The following GRIP1 variants were observed in gnomAD, a reference collection of about 807,000 sequenced individuals.
GRIP1 encodes the protein glutamate receptor-interacting protein 1.
GRIP1 carries 45 observed loss-of-function variants against 129.9 expected under a neutral mutation model. The observed-to-expected ratio is 0.35, with a 90% CI of 0.27 to 0.44. The LOEUF (loss-of-function observed/expected upper bound fraction) is 0.44, where lower values mean the gene tolerates loss of function less well. Ranked by LOEUF, GRIP1 falls within the 20% of genes least tolerant of loss-of-function variation. The pLI, the probability that GRIP1 is intolerant of heterozygous loss-of-function variation, is 1.00. For missense variants in GRIP1, 1,196 were observed against 1,396.8 expected (o/e 0.86, Z 2.29); for synonymous variants, 530 against 520.8 (o/e 1.02, Z -0.24).
intron 1 of GRIP1, among the ~76,000 whole-genome samples, chr12:66,937,592 A>G (rs901372390): frequency 6.6e-6 from 1 of 152,196 alleles, no homozygotes; most frequent in Non-Finnish European, 1.5e-5. Flanking sequence ...AATTGGAGAA[A>G]GGGTGTGAGA....
At chr12:66,434,659 A>G (rs1018035130) in intron 13 of GRIP1, among the ~76,000 whole-genome samples, 5 of 152,218 alleles carry the variant, frequency 3.3e-5, no homozygotes, top group African/African-American at 1.2e-4. Flanking sequence ...ATATTTTCCA[A>G]TCTATGCCTT....
intron 1 of GRIP1, among the ~76,000 whole-genome samples, chr12:66,655,896 G>T (rs2033126999): frequency 6.6e-6 from 1 of 152,022 alleles, no homozygotes; most frequent in South Asian, 2.1e-4. Context: ...ACCGCACCTG[G>T]CCTTCTGTAC....
At chr12:66,752,445 C>T (rs2037157771) in intron 1 of GRIP1, among the ~76,000 whole-genome samples, 1 of 152,038 alleles carries the variant, frequency 6.6e-6, no homozygotes, top group Admixed American at 6.6e-5. Flanking sequence ...GAATAGAGTA[C>T]TCCTCAAAAT....
chr12:66,539,832 C>G (rs534006556), intron 3 of GRIP1, among the ~76,000 whole-genome samples: 6 of 152,226 alleles, frequency 3.9e-5, no homozygotes, highest in Non-Finnish European at 8.8e-5. Context: ...CAGTAACATT[C>G]TTATCTCTCT....
chr12:66,712,131 T>G (rs1223395276), intron 1 of GRIP1, among the ~76,000 whole-genome samples: 1 of 151,960 alleles, frequency 6.6e-6, no homozygotes, highest in Non-Finnish European at 1.5e-5. Context: ...TTCAATGAAA[T>G]GCATTGTTTC....
chr12:66,656,903 T>C (rs1293083903), intron 1 of GRIP1, among the ~76,000 whole-genome samples: 3 of 152,136 alleles, frequency 2.0e-5, no homozygotes, highest in Non-Finnish European at 4.4e-5. Flanking sequence ...TCTCACTTGG[T>C]TTTTATCCCA....
intron 1 of GRIP1, among the ~76,000 whole-genome samples, chr12:67,040,061 A>G (rs1333753358): frequency 6.6e-6 from 1 of 152,090 alleles, no homozygotes; most frequent in Non-Finnish European, 1.5e-5. Flanking sequence ...CCACTTTTTA[A>G]CTGACAGCCT....
chr12:66,554,864 T>C (rs7305353), intron 2 of GRIP1, among the ~76,000 whole-genome samples: 62,494 of 151,924 alleles, frequency 0.41, 13,038 homozygotes, highest in African/African-American at 0.46. Context: ...TGGGTACCAG[T>C]TCAGCTGCAG....
chr12:66,515,696 T>A lies in GRIP1; in HGVS notation c.647A>T (p.His216Leu), dbSNP rs1158836819. The A allele has an allele frequency of 6.2e-7, 1 of 1,613,606 alleles. No homozygotes were observed. The highest frequency in any genetic ancestry group is 8.5e-7 in the Non-Finnish European group (1 of 1,179,528). ...TTTAAGAATACTCATGGCTTCAGCATGCGTAGTTCCAAGAAGCCGAATTCC... is the reference window on the plus strand; with the variant it reads ...TTTAAGAATACTCATGGCTTCAGCAAGCGTAGTTCCAAGAAGCCGAATTCC... ...VDGIRLLGTT[H>L]AEAMSILKQC... is the part of the protein sequence containing the mutation. Residue 216 changes from histidine (H) to leucine (L), a missense_variant, in exon 7 of 25, where the codon CAT becomes CTT. His to Leu is a moderately conservative substitution (Grantham distance 99). Coordinates refer to ENST00000359742, the MANE Select transcript of GRIP1 (RefSeq NM_001366722.1).
At chr12:66,759,265 G>A (rs2037396019) in intron 1 of GRIP1, among the ~76,000 whole-genome samples, 1 of 152,204 alleles carries the variant, frequency 6.6e-6, no homozygotes, top group Non-Finnish European at 1.5e-5. Context: ...ATCCTCTGAA[G>A]CCACAGCATG....
At chr12:66,902,102 G>A (rs1353868219) in intron 1 of GRIP1, among the ~76,000 whole-genome samples, 1 of 152,108 alleles carries the variant, frequency 6.6e-6, no homozygotes, top group Admixed American at 6.6e-5. Context: ...ATGCAAAACT[G>A]GGGAACTAGT....
chr12:66,586,478 T>A (rs749018626), intron 2 of GRIP1, among the ~76,000 whole-genome samples: 21 of 152,124 alleles, frequency 1.4e-4, no homozygotes, highest in Non-Finnish European at 2.9e-4. Flanking sequence ...TCTCAATCTA[T>A]CTGTGCCACC....
At chr12:66,827,545 C>A (rs1164068198) in intron 1 of GRIP1, among the ~76,000 whole-genome samples, 2 of 152,086 alleles carry the variant, frequency 1.3e-5, no homozygotes, top group Non-Finnish European at 2.9e-5. Context: ...TGGTTGGAAG[C>A]AAGTCACAGG....
At chr12:66,588,102 C>A (rs889521313) in intron 2 of GRIP1, among the ~76,000 whole-genome samples, 2 of 151,984 alleles carry the variant, frequency 1.3e-5, no homozygotes, top group East Asian at 3.9e-4. Flanking sequence ...TGTTATTTTA[C>A]AGCTTTGCAT....
chr12:66,759,656 C>T (rs1301085908), intron 1 of GRIP1, among the ~76,000 whole-genome samples: 1 of 152,162 alleles, frequency 6.6e-6, no homozygotes, highest in Admixed American at 6.6e-5. Flanking sequence ...TGCTTTGCTG[C>T]TTAGAAGTTT....
At position 66,723,239 on chromosome 12, in the gene GRIP1, T is replaced by TCTCCCTTC. The variant is rs1555230329; in HGVS notation, c.-420+80813_-420+80814insGAAGGGAG. Among the ~76,000 whole-genome samples, 68 of 23,596 alleles carry TCTCCCTTC rather than the reference T, an allele frequency of 2.9e-3. 7 individuals are homozygous for TCTCCCTTC. Among genetic ancestry groups the TCTCCCTTC allele is most frequent in the South Asian group, 0.02 (10 of 508 alleles). The allele number at this position is 23,596 out of a possible 152,430, so 15.5% of individuals were successfully genotyped here. On this transcript the variant is annotated intron_variant, in intron 1 of 4. Coordinates refer to the GRIP1 transcript ENST00000538373. ...CTTTCTTTCTTTCTCTCTCTCTCTC[T>TCTCCCTTC]CTTCCTTCCTTCCTTCCTTCCTTCC... is the stretch of plus-strand genomic sequence containing the variant.
chr12:66,723,202 T>TC (rs1282036630), intron 1 of GRIP1, among the ~76,000 whole-genome samples: 1 of 58,058 alleles, frequency 1.7e-5, no homozygotes, highest in East Asian at 5.6e-4. Context: ...TTTCATCTTC[T>TC]TTTCTTTCTT....
intron 1 of GRIP1, among the ~76,000 whole-genome samples, chr12:66,991,646 T>G (rs1301668432): frequency 6.6e-6 from 1 of 152,216 alleles, no homozygotes; most frequent in Admixed American, 6.5e-5. Flanking sequence ...TATTCACATA[T>G]TACATTATGA....
chr12:66,559,024 C>G lies in GRIP1; in HGVS notation c.137-17074G>C, dbSNP rs2062426886. Among the ~76,000 whole-genome samples, 3 of 151,902 alleles carry G rather than the reference C, an allele frequency of 2.0e-5. No homozygotes were observed. In the South Asian group the frequency reaches 6.2e-4, roughly 32 times the overall value. On this transcript the variant is annotated intron_variant, in intron 2 of 24. Transcript: ENST00000359742. ...CCCAGGGGTGCAAGGATGGTTTAACCTACACAAATCAATCAGTGTGATATA... is the reference window on the plus strand; with the variant it reads ...CCCAGGGGTGCAAGGATGGTTTAACGTACACAAATCAATCAGTGTGATATA...
Sources: gnomAD v4.1 joint callset for allele counts (sites outside exome capture counted in the v4.1 genomes callset) on GRCh38, gnomAD v4.1.1 for gene constraint, MANE v1.5 for transcripts, NCBI Gene and HGNC (gene_info 2026-07-23, HGNC 2026-07-21) for gene names.